Variants in CARMIL1 observed in about 807,000 individuals in gnomAD.
CARMIL1 encodes capping protein regulator and myosin 1 linker 1.
CARMIL1 carries 90 observed loss-of-function variants against 177.1 expected under a neutral mutation model. The observed-to-expected ratio is 0.51, with a 90% confidence interval of 0.43 to 0.61. CARMIL1 has a LOEUF of 0.61. CARMIL1 is among the 20% of genes least tolerant of loss of function. The pLI, the probability that CARMIL1 is intolerant of heterozygous loss-of-function variation, is 0.00. For synonymous variants in CARMIL1, 577 were observed against 606.2 expected (o/e 0.95, Z 0.71); for missense variants, 1,380 against 1,667.0 (o/e 0.83, Z 3.00).
chr6:25,546,141 CT>C (rs1554221341), intron 26 of CARMIL1, among the ~76,000 whole-genome samples: 2 of 150,572 alleles, frequency 1.3e-5, no homozygotes, highest in South Asian at 2.1e-4. Context: ...TGTAGGTCTA[CT>C]TTTTTTTTAA....
At chr6:25,420,065 G>A (rs1448257735) in intron 2 of CARMIL1, 49 bp from the exon 3 acceptor site, 2 of 1,471,188 alleles carry the variant, frequency 1.4e-6, no homozygotes, top group Non-Finnish European at 1.9e-6. Context: ...AAAGCCCACT[G>A]GCCCCACTTT....
chr6:25,595,377 C>A (rs1264002466), intron 32 of CARMIL1, among the ~76,000 whole-genome samples: 1 of 152,128 alleles, frequency 6.6e-6, no homozygotes, highest in African/African-American at 2.4e-5. Flanking sequence ...GATGGATGTG[C>A]CTTATCTTGC....
chr6:25,408,293 A>T lies in CARMIL1; in HGVS notation c.139-11821A>T, dbSNP rs1433694379. 1.0e-4 allele frequency among the ~76,000 whole-genome samples: 6 copies of T among 58,780 alleles called. No individual in the cohort carries two copies. In the South Asian group the frequency reaches 2.8e-3, roughly 28 times the overall value. The allele number at this position is 58,780 out of a possible 152,430, so 38.6% of individuals were successfully genotyped here. On this transcript the variant is annotated intron_variant, in intron 2 of 36. Transcript: ENST00000329474. ...ACAGTAAAAGCCTGTCTCTTAAAAT[A>T]AAAAAAAAAAAAAAAAAAAAAGATT...
chr6:25,468,758 G>A (rs746572536), intron 9 of CARMIL1, among the ~76,000 whole-genome samples: 46 of 152,122 alleles, frequency 3.0e-4, no homozygotes, highest in Non-Finnish European at 5.1e-4. Flanking sequence ...TTTGTTACAC[G>A]TCTCCCCTAC....
intron 2 of CARMIL1, among the ~76,000 whole-genome samples, chr6:25,351,759 C>G (rs972792572): frequency 1.3e-5 from 2 of 152,042 alleles, no homozygotes; most frequent in African/African-American, 4.8e-5. Context: ...TTGTCCTCCT[C>G]TATAAATAAT....
At chr6:25,575,144 A>G (rs1164102948) in intron 29 of CARMIL1, among the ~76,000 whole-genome samples, 4 of 152,208 alleles carry the variant, frequency 2.6e-5, no homozygotes, top group Non-Finnish European at 5.9e-5. Flanking sequence ...ATTCATGCCC[A>G]GTTCTTGGAT....
intron 8 of CARMIL1, among the ~76,000 whole-genome samples, chr6:25,464,788 T>A (rs1800446147): frequency 1.3e-5 from 2 of 152,148 alleles, no homozygotes; most frequent in Non-Finnish European, 2.9e-5. Flanking sequence ...GAGGTGAGGA[T>A]GTGTAATAGT....
intron 8 of CARMIL1, chr6:25,451,986 G>GGGCCCC: frequency 8.9e-6 from 1 of 112,672 alleles, no homozygotes; most frequent in South Asian, 7.1e-5. Context: ...CTAGCATCTT[G>GGGCCCC]CCCCCCCCTC....
Position 25,326,374 on chromosome 6 carries a change from A to G in CARMIL1, c.138+41465A>G, listed in dbSNP as rs1785099990. Among the ~76,000 whole-genome samples the G allele has an allele frequency of 6.6e-6, 1 of 152,192 alleles. No homozygotes were observed. Among genetic ancestry groups the G allele is most frequent in the South Asian group, 2.1e-4 (1 of 4,830 alleles). ...TCCAAGAAGTCATGCTGGATTACAT[A>G]TACTGGTCAGTAAGGAGCTTGGATT... is the stretch of plus-strand genomic sequence containing the variant. On this transcript the variant is annotated intron_variant, in intron 2 of 36. Transcript: ENST00000329474. This position sits in a 1 kb window ranked among gnomAD's most constrained non-coding sequence, Gnocchi z 4.2.
intron 2 of CARMIL1, among the ~76,000 whole-genome samples, chr6:25,384,212 A>T (rs1791913927): frequency 6.6e-6 from 1 of 152,244 alleles, no homozygotes; most frequent in East Asian, 1.9e-4. Flanking sequence ...GCTTTATTTG[A>T]GGACAGAGCC....
intron 3 of CARMIL1, 187 bp downstream of exon 3, chr6:25,420,351 T>A: frequency 1.7e-6 from 1 of 602,992 alleles, no homozygotes; most frequent in Admixed American, 2.8e-5. Flanking sequence ...CACATTCAAG[T>A]TTTCCTTCCT....
intron 29 of CARMIL1, among the ~76,000 whole-genome samples, chr6:25,580,413 T>A (rs1813022770): frequency 6.6e-6 from 1 of 152,210 alleles, no homozygotes; most frequent in African/African-American, 2.4e-5. Flanking sequence ...CAGATACAGA[T>A]TTTTGAATCC....
chr6:25,461,184 A>G (rs79445899), intron 8 of CARMIL1, among the ~76,000 whole-genome samples: 5,738 of 152,278 alleles, frequency 0.038, 170 homozygotes, highest in Non-Finnish European at 0.061. Context: ...CATCATGTCT[A>G]CATTGTAGAG....
chr6:25,492,669 T>C (rs1803356437), intron 15 of CARMIL1, among the ~76,000 whole-genome samples: 1 of 152,218 alleles, frequency 6.6e-6, no homozygotes, highest in African/African-American at 2.4e-5. Flanking sequence ...CCATAAATTA[T>C]AAATAATATT....
intron 20 of CARMIL1, among the ~76,000 whole-genome samples, chr6:25,511,650 TCCTGAATTCATA>T (rs1805463792): frequency 6.6e-6 from 1 of 152,194 alleles, no homozygotes; most frequent in South Asian, 2.1e-4. Context: ...TCATTTTCCC[TCCTGAATTCATA>T]CCAGGGAAGA....
At chr6:25,350,621 T>A (rs2150357593) in intron 2 of CARMIL1, 1 of 152,324 alleles carries the variant, frequency 6.6e-6, no homozygotes, top group Non-Finnish European at 1.5e-5. Flanking sequence ...TTCCTGTTTG[T>A]GTTTCTTGAT....
intron 18 of CARMIL1, among the ~76,000 whole-genome samples, chr6:25,510,061 T>A (rs973420677): frequency 5.9e-5 from 9 of 152,166 alleles, no homozygotes; most frequent in African/African-American, 1.7e-4. Context: ...GTACTCTTGT[T>A]TATTTATTCA....
At chr6:25,305,728 C>G (rs1292902968) in intron 2 of CARMIL1, among the ~76,000 whole-genome samples, 10 of 152,092 alleles carry the variant, frequency 6.6e-5, no homozygotes, top group African/African-American at 2.4e-4. Flanking sequence ...CAAAATGAAG[C>G]AATACAACAT....
chr6:25,344,570 G>T (rs912261762), intron 2 of CARMIL1, among the ~76,000 whole-genome samples: 2 of 152,136 alleles, frequency 1.3e-5, no homozygotes, highest in Non-Finnish European at 2.9e-5. Flanking sequence ...GGCCCTTGAT[G>T]CTACCTGGCA....
Sources: allele counts gnomAD v4.1 joint callset (sites outside exome capture counted in the v4.1 genomes callset), GRCh38; gene constraint gnomAD v4.1.1; non-coding constraint Gnocchi (gnomAD v3.1); transcripts MANE v1.5; gene names NCBI Gene and HGNC (gene_info 2026-07-23, HGNC 2026-07-21).